The following ACAP1 variants were observed in gnomAD, a reference collection of about 807,000 sequenced individuals.
ACAP1 encodes the protein arf-GAP with coiled-coil, ANK repeat and PH domain-containing protein 1.
Under a neutral mutation model 98.8 loss-of-function variants are expected in ACAP1, and 45 were observed. The ratio of observed to expected loss-of-function variants is 0.46; its 90% CI spans 0.36 to 0.58. The LOEUF is 0.58. Among genes scored for constraint, ACAP1 ranks in the 20% least tolerant of loss-of-function variants. ACAP1 has a pLI of 0.00. For synonymous variants in ACAP1, 362 were observed against 375.3 expected (o/e 0.96, Z 0.41); for missense variants, 735 against 971.4 (o/e 0.76, Z 3.24).
At position 7,344,932 on chromosome 17, in the gene ACAP1, A is replaced by G. The variant is rs1202774560; in HGVS notation, c.854+284A>G. On this transcript the variant is annotated intron_variant, in intron 10 of 21. Transcript: ENST00000158762. This position sits in a 1 kb window ranked among gnomAD's most constrained non-coding sequence, Gnocchi z 4.9. ...GGCAGTGTGGGCTTCATGAGAAGGT[A>G]ACTTTTGAACAAAGACTTGAAGGAT... Among the ~76,000 whole-genome samples, 1 of 152,192 alleles carries G rather than the reference A, an allele frequency of 6.6e-6. No individual in the cohort carries two copies. Among genetic ancestry groups the G allele is most frequent in the Non-Finnish European group, 1.5e-5 (1 of 68,036 alleles).
At chr17:7,342,363 G>A (rs751905787) in intron 4 of ACAP1, 35 bp downstream of exon 4, 2 of 1,614,026 alleles carry the variant, frequency 1.2e-6, no homozygotes, top group Admixed American at 3.3e-5. Flanking sequence ...TCGGGGTGGT[G>A]GCCAGGTCAC....
In ACAP1 at chr17:7,344,589, C is replaced by T; in HGVS notation, c.795C>T (p.Gly265=). ...CAAGCTTAAGAGAGGGGCCTGGTGG[C>T]CTGGTGATGGAAGGACATCTCTTCA... The part of the protein sequence containing the change: ...PEPSLREGPG[G]LVMEGHLFKR... The change falls in exon 10 of 22, where the codon GGC becomes GGT. Residue 265 remains glycine (G), a synonymous_variant. Coordinates refer to ENST00000158762, the MANE Select transcript of ACAP1 (RefSeq NM_014716.4). The surrounding 1 kb of genome is among the most constrained non-coding windows in gnomAD (Gnocchi z 4.9). 3 of 1,551,426 alleles carry T rather than the reference C, an allele frequency of 1.9e-6. No individual in the cohort carries two copies. Among genetic ancestry groups the T allele is most frequent in the Non-Finnish European group, 2.6e-6 (3 of 1,146,968 alleles).
Position 7,343,723 on chromosome 17 carries a change from CA to C in ACAP1, c.548del (p.Lys183ArgfsTer28). 6.2e-7 allele frequency: 1 copy of C among 1,613,980 alleles called. No individual in the cohort carries two copies. The highest frequency in any genetic ancestry group is 1.3e-5 in the African/African-American group (1 of 74,978). ...GTCCTCAGATCAACGTGATTGAGGA[CA>C]AGAGGAAGTTTGACATCATGGAGTT... ...YALQINVIED[K>X]RKFDIMEFVL... On this transcript the variant is annotated frameshift_variant, in exon 7 of 22. Transcript: ENST00000158762. LOFTEE classifies it high-confidence loss of function. The surrounding 1 kb of genome is among the most constrained non-coding windows in gnomAD (Gnocchi z 4.9).
chr17:7,347,907 C>T lies in ACAP1; in HGVS notation c.1344-15C>T, dbSNP rs200090304. On this transcript the variant is annotated splice_polypyrimidine_tract_variant and intron_variant, in intron 14 of 21. Coordinates refer to ENST00000158762, the MANE Select transcript of ACAP1 (RefSeq NM_014716.4). ...CCCCTGCACAGGGCCTGACCCTCCC[C>T]CTCTGGCCCTCCAGGAGCCTTGGTG... The T allele has an allele frequency of 2.7e-5, 44 of 1,612,806 alleles. No homozygotes were observed. The South Asian group carries it at 4.4e-4, about 16-fold the overall frequency.
In ACAP1 at chr17:7,346,854, G is replaced by A. The variant is rs1378729472; in HGVS notation, c.1054G>A (p.Val352Ile). 1 of 1,613,624 alleles carries A rather than the reference G, an allele frequency of 6.2e-7. No individual in the cohort carries two copies. Among genetic ancestry groups the A allele is most frequent in the East Asian group, 2.2e-5 (1 of 44,888 alleles). The stretch of plus-strand genomic sequence containing the variant: ...CTCAGAGCGCCTCCTGCAGCTGTGG[G>A]TCAGTGCTGTGCAGAGCAGCATTGC... The part of the protein sequence containing the change: ...ADSERLLQLW[V>I]SAVQSSIASA... The change falls in exon 13 of 22, where the codon GTC becomes ATC. Residue 352 changes from valine (V) to isoleucine (I), a missense_variant. Around this residue, in one of 5 missense-constraint regions of ACAP1, gnomAD observed 430 missense variants for 531.8 expected, o/e 0.81. Transcript: ENST00000158762.
At chr17:7,342,780 T>C (rs1273221613) in intron 5 of ACAP1, 67 of 420,650 alleles carry the variant, frequency 1.6e-4, no homozygotes, top group Middle Eastern at 7.1e-4. Context: ...TGGTGGCAGG[T>C]GCCTGTAATC....
rs780457256 is a variant in ACAP1 at position 7,344,077 on chromosome 17, G to A, written c.698G>A (p.Arg233Gln). The change falls in exon 9 of 22, where the codon CGA becomes CAA. Residue 233 changes from arginine (R) to glutamine (Q), a missense_variant. Arg to Gln is a conservative substitution (Grantham distance 43). Around this residue, in one of 5 missense-constraint regions of ACAP1, gnomAD observed 430 missense variants for 531.8 expected, o/e 0.81. Transcript: ENST00000158762. The surrounding 1 kb of genome is among the most constrained non-coding windows in gnomAD (Gnocchi z 4.9). ...CACCAGCTGGTCTTGAATTCAGCAC[G>A]AGAGAAGAGGGACATGGAGCAGAGA... The part of the protein sequence containing the change: ...QLHQLVLNSA[R>Q]EKRDMEQRHV... 1.3e-6 allele frequency: 2 copies of A among 1,592,752 alleles called. No homozygotes were observed. Among genetic ancestry groups the A allele is most frequent in the Non-Finnish European group, 1.7e-6 (2 of 1,169,042 alleles).
intron 12 of ACAP1, 132 bp from the exon 13 acceptor site, chr17:7,346,676 A>T: frequency 8.2e-7 from 1 of 1,214,480 alleles, no homozygotes; most frequent in Non-Finnish European, 1.2e-6. Context: ...GGAGAATATT[A>T]CCAACTGGTA....
intron 18 of ACAP1, 96 bp from the exon 19 acceptor site, chr17:7,349,849 C>G: frequency 1.0e-6 from 1 of 986,976 alleles, no homozygotes; most frequent in East Asian, 2.4e-5. Context: ...CCACACTCCA[C>G]CCTCCCATTC....
chr17:7,338,880 G>T (rs1244040477), intron 2 of ACAP1, among the ~76,000 whole-genome samples: 2 of 151,830 alleles, frequency 1.3e-5, no homozygotes, highest in Non-Finnish European at 2.9e-5. Context: ...TATTGACTCA[G>T]GAGACTAGTG....
chr17:7,342,760 T>G, intron 5 of ACAP1: 5 of 443,870 alleles, frequency 1.1e-5, no homozygotes, highest in Non-Finnish European at 1.2e-5. Flanking sequence ...AAAAAAAAAT[T>G]AGCCGGGCAT....
intron 12 of ACAP1, 101 bp downstream of exon 12, chr17:7,346,592 C>G: frequency 8.0e-7 from 1 of 1,252,202 alleles, no homozygotes; most frequent in Non-Finnish European, 1.1e-6. Flanking sequence ...CAGCTCCAGA[C>G]TTTAATTTAA....
chr17:7,342,773 T>C, intron 5 of ACAP1: 1 of 432,798 alleles, frequency 2.3e-6, no homozygotes, highest in Non-Finnish European at 4.3e-6. Flanking sequence ...CCGGGCATGG[T>C]GGCAGGTGCC....
rs1368326326 is a variant in ACAP1 at position 7,348,994 on chromosome 17, G to A, written c.1679-1G>A. On this transcript the variant is annotated splice_acceptor_variant, in intron 17 of 21. Coordinates refer to ENST00000158762, the MANE Select transcript of ACAP1 (RefSeq NM_014716.4). LOFTEE classifies it high-confidence loss of function. The stretch of plus-strand genomic sequence containing the variant: ...CTAACAGAACCAAATCCCCCGAACA[G>A]AGCCCCCCTCTGAGGACCTGGGAAG... 1.9e-6 allele frequency: 3 copies of A among 1,612,224 alleles called. No homozygotes were observed. Among genetic ancestry groups the A allele is most frequent in the African/African-American group, 1.3e-5 (1 of 74,748 alleles).
chr17:7,337,443 A>G, intron 2 of ACAP1, 74 bp downstream of exon 2: 1 of 1,315,124 alleles, frequency 7.6e-7, no homozygotes, highest in East Asian at 2.3e-5. Context: ...AAAGCTGGAG[A>G]CACAGAATGC....
chr17:7,348,961 G>A, intron 17 of ACAP1, 34 bp from the exon 18 acceptor site: 2 of 1,599,342 alleles, frequency 1.3e-6, no homozygotes, highest in Non-Finnish European at 1.7e-6. Flanking sequence ...ACTCGGAGCT[G>A]CTTCCCCCTA....
rs552741747 is a variant in ACAP1, at chr17:7,336,855, T to C, written c.53+68T>C. The stretch of plus-strand genomic sequence containing the variant: ...AACACCCCCAGCACACACACACCTT[T>C]CCCCAGGCCAGGTCTCCTTCCAGGG... On this transcript the variant is annotated intron_variant, in intron 1 of 21. Transcript: ENST00000158762. The C allele has an allele frequency of 3.2e-5, 50 of 1,549,544 alleles. No individual in the cohort carries two copies. In the African/African-American group the frequency reaches 5.0e-4, roughly 16 times the overall value.
Position 7,344,259 on chromosome 17 carries a change from A to T in ACAP1, c.744+136A>T. On this transcript the variant is annotated intron_variant, in intron 9 of 21. Coordinates refer to ENST00000158762, the MANE Select transcript of ACAP1 (RefSeq NM_014716.4). The surrounding 1 kb of genome is among the most constrained non-coding windows in gnomAD (Gnocchi z 4.9). ...AAACTCCATCTCTACAGAAAATTTT[A>T]AAATTAGCTGGTGTGGTGGCATGCA... is the stretch of plus-strand genomic sequence containing the variant. The T allele has an allele frequency of 9.5e-7, 1 of 1,053,700 alleles. No individual in the cohort carries two copies. The highest frequency in any genetic ancestry group is 1.4e-6 in the Non-Finnish European group (1 of 721,274). 65.3% of individuals were successfully genotyped at this position (1,053,700 alleles called of 1,614,324 possible).
Position 7,343,939 on chromosome 17 carries a change from A to C in ACAP1, c.652A>C (p.Lys218Gln). 6.3e-7 allele frequency: 1 copy of C among 1,597,116 alleles called. No homozygotes were observed. Among genetic ancestry groups the C allele is most frequent in the Admixed American group, 1.8e-5 (1 of 55,942 alleles). The change falls in exon 8 of 22, where the codon AAG (lysine) becomes CAG (glutamine). Residue 218 changes from lysine (K) to glutamine (Q), a missense_variant. Physicochemically the swap from Lys to Gln is moderately conservative, Grantham distance 53. Around this residue, in one of 5 missense-constraint regions of ACAP1, gnomAD observed 430 missense variants for 531.8 expected, o/e 0.81. Transcript: ENST00000158762. The surrounding 1 kb of genome is among the most constrained non-coding windows in gnomAD (Gnocchi z 4.9). ...GCTGAGCCGGCTGTCCCAGTATCGAAAGGAGCTGGGCGCCCAGGTGGGGCC... is the reference window on the plus strand; with the variant it reads ...GCTGAGCCGGCTGTCCCAGTATCGACAGGAGCTGGGCGCCCAGGTGGGGCC... Reference protein sequence around the residue: ...EELSRLSQYRKELGAQLHQLV... With the variant: ...EELSRLSQYRQELGAQLHQLV...
Sources: gnomAD v4.1 joint callset for allele counts (sites outside exome capture counted in the v4.1 genomes callset) on GRCh38, gnomAD v4.1.1 for gene constraint, gnomAD v4.1.1 regional missense constraint, Gnocchi (gnomAD v3.1) non-coding constraint, MANE v1.5 for transcripts, NCBI Gene and HGNC (gene_info 2026-07-23, HGNC 2026-07-21) for gene names.